The following USP24 variants were observed in gnomAD, a reference collection of about 807,000 sequenced individuals.
The protein encoded by USP24 is ubiquitin carboxyl-terminal hydrolase 24.
USP24 carries 97 observed loss-of-function variants against 361.6 expected under a neutral mutation model. That is an observed-to-expected ratio of 0.27 (90% confidence interval 0.23 to 0.32). The LOEUF is 0.32. USP24 is among the 10% of genes least tolerant of loss of function. The pLI is 1.00. For synonymous variants in USP24, 1,098 were observed against 1,124.6 expected, an observed-to-expected ratio of 0.98 and a Z score of 0.47; for missense variants, 2,353 against 3,165.6, an observed-to-expected ratio of 0.74 and a Z score of 6.16.
chr1:55,118,466 G>T (rs568385290), intron 38 of USP24, among the ~76,000 whole-genome samples: 1 of 152,270 alleles, frequency 6.6e-6, no homozygotes, highest in East Asian at 1.9e-4. Context: ...CAAAATGGAT[G>T]AAACACCTAA....
intron 62 of USP24, among the ~76,000 whole-genome samples, chr1:55,076,951 AG>A (rs146504348): frequency 3.6e-4 from 55 of 152,278 alleles, no homozygotes; most frequent in African/African-American, 1.3e-3. Context: ...AGGCCCTGGC[AG>A]GGGTTAACCA....
chr1:55,132,767 A>G, intron 30 of USP24, 67 bp from the exon 31 acceptor site: 1 of 1,457,564 alleles, frequency 6.9e-7, no homozygotes, highest in Non-Finnish European at 9.3e-7. Flanking sequence ...AACAGATCTT[A>G]GTACACGTCC....
In USP24 at chr1:55,096,497, C is replaced by A; in HGVS notation, c.6061+1G>T. 6.4e-7 allele frequency: 1 copy of A among 1,565,932 alleles called. No homozygotes were observed. Among genetic ancestry groups the A allele is most frequent in the Non-Finnish European group, 8.6e-7 (1 of 1,160,724 alleles). The stretch of plus-strand genomic sequence containing the variant: ...GAAAATATCCATTTGTAAATACTTA[C>A]TTTGATCATAAACTTTTGGTCTATA... On this transcript the variant is annotated splice_donor_variant, in intron 50 of 67. Transcript: ENST00000294383. LOFTEE classifies it high-confidence loss of function.
At position 55,146,088 on chromosome 1, in the gene USP24, T is replaced by C. The variant is rs765105569; in HGVS notation, c.2272A>G (p.Lys758Glu). The C allele has an allele frequency of 1.2e-6, 2 of 1,613,016 alleles. No individual in the cohort carries two copies. The highest frequency in any genetic ancestry group is 1.7e-4 in the Middle Eastern group (1 of 6,056). ...DREMCFEWFTKGQHDLESDVQ... is the reference protein window; with the variant it reads ...DREMCFEWFTEGQHDLESDVQ... ...TCACTCTCAAGATCATGCTGTCCTT[T>C]TGTAAACCATTCAAAACACATCTGT... Residue 758 changes from lysine to glutamate, a missense_variant, in exon 20 of 68, where the codon AAA (lysine) becomes GAA (glutamate). By Grantham distance (56) the Lys-to-Glu change is moderately conservative (BLOSUM62 1). This residue lies in a region of USP24 where 949 missense variants were observed against 1,280.5 expected (regional missense o/e 0.74). Transcript: ENST00000294383.
chr1:55,087,410 G>A (rs1321565146), intron 55 of USP24, among the ~76,000 whole-genome samples: 1 of 152,192 alleles, frequency 6.6e-6, no homozygotes, highest in Non-Finnish European at 1.5e-5. Flanking sequence ...AAGTCTGCTT[G>A]GACATAAGGG....
intron 1 of USP24, among the ~76,000 whole-genome samples, chr1:55,187,104 T>A (rs1195482621): frequency 6.6e-6 from 1 of 152,080 alleles, no homozygotes; most frequent in Non-Finnish European, 1.5e-5. Flanking sequence ...AAGGTAGGTT[T>A]AGTATACAAA....
chr1:55,210,343 A>G (rs1644819062), intron 1 of USP24, among the ~76,000 whole-genome samples: 1 of 152,068 alleles, frequency 6.6e-6, no homozygotes, highest in African/African-American at 2.4e-5. Flanking sequence ...CTGATTTGGG[A>G]AATTATTTCA....
At position 55,154,055 on chromosome 1, in the gene USP24, G is replaced by A. The variant is rs192677798; in HGVS notation, c.1812+64C>T. On this transcript the variant is annotated intron_variant, in intron 15 of 67. Transcript: ENST00000294383. ...ACATAACAGGGGAGGAAAATTATTT[G>A]GCTCTAATTACTCAGGGAATACTGT... 2.5e-4 allele frequency: 404 copies of A among 1,600,256 alleles called. 3 individuals carry two copies. The Middle Eastern group carries it at 3.5e-3, about 14-fold the overall frequency.
rs1456018109 is a variant in USP24, at chr1:55,095,315, G to A, written c.6143C>T (p.Pro2048Leu). The change falls in exon 51 of 68, where the codon CCA becomes CTA. Residue 2048 changes from proline to leucine, a missense_variant. Physicochemically the swap from Pro to Leu is moderately conservative, Grantham distance 98. This residue lies in a region of USP24 where 598 missense variants were observed against 761.9 expected (regional missense o/e 0.78). Transcript: ENST00000294383. ...GACTCGACTTTTCTTTGGTAATACT[G>A]GGGAGTTCTGATCAGACACCCTTTG... ...FYQRVSDQNSPVLPKKSRVSV... is the reference protein window; with the variant it reads ...FYQRVSDQNSLVLPKKSRVSV... 9 of 1,613,460 alleles carry A rather than the reference G, an allele frequency of 5.6e-6. No homozygotes were observed. The highest frequency in any genetic ancestry group is 7.6e-6 in the Non-Finnish European group (9 of 1,179,750).
At chr1:55,199,104 A>C (rs952460540) in intron 1 of USP24, among the ~76,000 whole-genome samples, 8 of 152,132 alleles carry the variant, frequency 5.3e-5, no homozygotes, top group African/African-American at 1.7e-4. Flanking sequence ...AGCTTGGCCA[A>C]CAGGCAAAAT....
At chr1:55,152,055 G>A (rs1466494160) in intron 16 of USP24, 11 of 941,642 alleles carry the variant, frequency 1.2e-5, no homozygotes, top group Non-Finnish European at 1.4e-5. Flanking sequence ...GCCATATCCA[G>A]GGGGCTTTGA....
rs1646872948 is a variant in USP24, at chr1:55,140,978, A to T, written c.2750+638T>A. Among the ~76,000 whole-genome samples the T allele has an allele frequency of 2.0e-5, 3 of 152,266 alleles. No homozygotes were observed. The South Asian group carries it at 6.2e-4, about 32-fold the overall frequency. On this transcript the variant is annotated intron_variant, in intron 24 of 67. Transcript: ENST00000294383. ...CTCAAGATTTCATCAATATCTGAAA[A>T]CTCAAAAAACAGCAATGTGATTGAG...
chr1:55,096,673 C>A (rs1340778711), intron 49 of USP24, 51 bp from the exon 50 acceptor site: 1 of 1,576,950 alleles, frequency 6.3e-7, no homozygotes, highest in African/African-American at 1.4e-5. Flanking sequence ...AATCAACCTC[C>A]TCATCCTTAG....
intron 1 of USP24, among the ~76,000 whole-genome samples, chr1:55,203,577 CTT>C (rs1171946832): frequency 6.6e-6 from 1 of 152,216 alleles, no homozygotes; most frequent in African/African-American, 2.4e-5. Flanking sequence ...GCTAAGTAGT[CTT>C]AATTAATATT....
chr1:55,199,618 T>TGAGAGAGAGA (rs771516226), intron 1 of USP24, among the ~76,000 whole-genome samples: 142 of 105,424 alleles, frequency 1.3e-3, no homozygotes, highest in African/African-American at 4.3e-3. Flanking sequence ...TGTGTGTGTG[T>TGAGAGAGAGA]GTGTGAGAGA....
chr1:55,152,464 T>G (rs1647232045), intron 16 of USP24, among the ~76,000 whole-genome samples: 1 of 152,178 alleles, frequency 6.6e-6, no homozygotes, highest in Admixed American at 6.6e-5. Context: ...AAAAATCCAT[T>G]CAGCTTTGAC....
At chr1:55,087,863 G>A (rs1434723099) in intron 55 of USP24, among the ~76,000 whole-genome samples, 2 of 152,224 alleles carry the variant, frequency 1.3e-5, no homozygotes, top group African/African-American at 4.8e-5. Flanking sequence ...ATGTCTGAAG[G>A]AGAAGCCACT....
chr1:55,178,950 C>T (rs991010848), intron 1 of USP24, among the ~76,000 whole-genome samples: 3 of 152,098 alleles, frequency 2.0e-5, no homozygotes, highest in African/African-American at 7.2e-5. Flanking sequence ...TCATCAACAA[C>T]CCTCCTGTCT....
intron 55 of USP24, among the ~76,000 whole-genome samples, chr1:55,089,080 G>C (rs889959883): frequency 1.3e-5 from 2 of 151,968 alleles, no homozygotes; most frequent in Admixed American, 6.6e-5. Flanking sequence ...CTAATTTTTT[G>C]TATTTTTAGT....
Sources: allele counts gnomAD v4.1 joint callset (sites outside exome capture counted in the v4.1 genomes callset), GRCh38; gene constraint gnomAD v4.1.1; regional missense constraint gnomAD v4.1.1; transcripts MANE v1.5; gene names NCBI Gene and HGNC (gene_info 2026-07-23, HGNC 2026-07-21).